Variants in DDHD1 observed in about 807,000 individuals in gnomAD.
DDHD1 encodes the protein phospholipase DDHD1.
DDHD1 carries 49 observed loss-of-function variants against 96.4 expected under a neutral mutation model. That is an observed-to-expected ratio of 0.51 (90% CI 0.40 to 0.64). The LOEUF is 0.64. DDHD1 is among the 30% of genes least tolerant of loss of function. The pLI is 0.00. For missense variants in DDHD1, 1,106 were observed against 1,161.2 expected (o/e 0.95, Z 0.69); for synonymous variants, 442 against 446.5 (o/e 0.99, Z 0.13).
intron 6 of DDHD1, among the ~76,000 whole-genome samples, chr14:53,069,740 T>A (rs1294195725): frequency 6.6e-6 from 1 of 152,214 alleles, no homozygotes; most frequent in African/African-American, 2.4e-5. Context: ...AATGGTACCC[T>A]CAAATTCCAG....
intron 2 of DDHD1, among the ~76,000 whole-genome samples, chr14:53,102,558 T>C (rs867467919): frequency 1.3e-5 from 2 of 152,090 alleles, no homozygotes; most frequent in Non-Finnish European, 2.9e-5. Context: ...CTCAGTTATA[T>C]AGACTTTTAA....
chr14:53,053,214 T>G (rs1319980800), intron 11 of DDHD1: 10 of 152,098 alleles, frequency 6.6e-5, no homozygotes, highest in Non-Finnish European at 5.9e-5. Flanking sequence ...TAGAGTTTTC[T>G]TGACATCTGC....
intron 4 of DDHD1, among the ~76,000 whole-genome samples, chr14:53,076,677 T>C (rs1456681494): frequency 6.6e-6 from 1 of 152,186 alleles, no homozygotes; most frequent in East Asian, 1.9e-4. Context: ...AATCAATCGA[T>C]GTGGCTAACT....
At position 53,106,425 on chromosome 14, in the gene DDHD1, G is replaced by T. The variant is rs529051807; in HGVS notation, c.839-2569C>A. 2.0e-5 allele frequency among the ~76,000 whole-genome samples: 3 copies of T among 152,228 alleles called. No homozygotes were observed. In the East Asian group the frequency reaches 5.8e-4, roughly 29 times the overall value. On this transcript the variant is annotated intron_variant, in intron 1 of 12. Transcript: ENST00000673822. ...TGTAATCCCAGCATTCTGAGAGGCC[G>T]AGCCAGGTGGATCACTTGAGGCCAG...
chr14:53,063,864 C>T (rs376488414), intron 6 of DDHD1, among the ~76,000 whole-genome samples: 6 of 152,006 alleles, frequency 3.9e-5, no homozygotes, highest in South Asian at 2.1e-4. Context: ...GGAGTATTTT[C>T]GTAATTTTTC....
chr14:53,092,815 C>T (rs1189619591), intron 3 of DDHD1: 1 of 152,996 alleles, frequency 6.5e-6, no homozygotes, highest in Non-Finnish European at 1.5e-5. Flanking sequence ...CACCACTGTA[C>T]TCCAGCCTGG....
At chr14:53,072,261 A>G (rs553442131) in intron 6 of DDHD1, among the ~76,000 whole-genome samples, 2 of 152,218 alleles carry the variant, frequency 1.3e-5, no homozygotes, top group South Asian at 2.1e-4. Context: ...TGAAGCAATA[A>G]AAGTCCATCA....
intron 1 of DDHD1, among the ~76,000 whole-genome samples, chr14:53,134,492 C>T (rs1331148294): frequency 6.6e-6 from 1 of 151,822 alleles, no homozygotes; most frequent in Admixed American, 6.6e-5. Context: ...CTATCAATCT[C>T]ACTCACTCTC....
At chr14:53,143,743 G>T (rs2139894165) in intron 1 of DDHD1, among the ~76,000 whole-genome samples, 1 of 152,278 alleles carries the variant, frequency 6.6e-6, no homozygotes, top group African/African-American at 2.4e-5. Context: ...GCATGCGAGG[G>T]CAAATATTTA....
chr14:53,148,551 G>T (rs1403926843), intron 1 of DDHD1, among the ~76,000 whole-genome samples: 1 of 151,998 alleles, frequency 6.6e-6, no homozygotes, highest in Non-Finnish European at 1.5e-5. Flanking sequence ...GATCTCAGGT[G>T]ATCCACCCAC....
chr14:53,122,605 T>G (rs1348620479), intron 1 of DDHD1, among the ~76,000 whole-genome samples: 2 of 144,126 alleles, frequency 1.4e-5, no homozygotes, highest in Non-Finnish European at 3.0e-5. Context: ...TTTGACACAG[T>G]CTCACACTAT....
rs775601687 is a variant in DDHD1 at position 53,152,853 on chromosome 14, G to A, written c.246C>T (p.Pro82=). 5 of 1,612,064 alleles carry A rather than the reference G, an allele frequency of 3.1e-6. No homozygotes were observed. In the South Asian group the frequency reaches 4.4e-5, roughly 14 times the overall value. Residue 82 remains proline (P), a synonymous_variant, in exon 1 of 13, where the codon CCC becomes CCT. Coordinates refer to ENST00000673822, the MANE Select transcript of DDHD1 (RefSeq NM_001160148.2). Reference sequence around the variant, plus strand: ...AGTCATAGTTCTCGTCACTGAGGCAGGGGTCCAGCGCGAGGTGGTGGTTGT... The same window carrying A: ...AGTCATAGTTCTCGTCACTGAGGCAAGGGTCCAGCGCGAGGTGGTGGTTGT... ...DDHNHHLALD[P]CLSDENYDFS... is the part of the protein sequence containing the mutation.
chr14:53,068,762 T>C (rs1884262225), intron 6 of DDHD1, among the ~76,000 whole-genome samples: 1 of 152,210 alleles, frequency 6.6e-6, no homozygotes, highest in South Asian at 2.1e-4. Flanking sequence ...ATGATTATTG[T>C]CGCTCTTTCT....
intron 1 of DDHD1, among the ~76,000 whole-genome samples, chr14:53,148,316 CTT>C (rs1311738888): frequency 5.5e-5 from 8 of 145,692 alleles, no homozygotes; most frequent in East Asian, 2.0e-4. Flanking sequence ...TTGAATTATT[CTT>C]TTTTTTTTTT....
At chr14:53,124,754 A>G (rs1333104736) in intron 1 of DDHD1, among the ~76,000 whole-genome samples, 2 of 152,222 alleles carry the variant, frequency 1.3e-5, no homozygotes, top group African/African-American at 4.8e-5. Context: ...TGTAAAATTA[A>G]TGAAAAGATT....
intron 1 of DDHD1, among the ~76,000 whole-genome samples, chr14:53,118,634 C>T (rs1164436706): frequency 1.3e-5 from 2 of 152,080 alleles, no homozygotes; most frequent in African/African-American, 4.8e-5. Flanking sequence ...AAGAAACAAA[C>T]AAAGCCTCCA....
Position 53,153,071 on chromosome 14 carries a change from G to T in DDHD1, c.28C>A (p.Arg10=). 1 of 1,456,878 alleles carries T rather than the reference G, an allele frequency of 6.9e-7. No individual in the cohort carries two copies. Among genetic ancestry groups the T allele is most frequent in the Non-Finnish European group, 9.0e-7 (1 of 1,115,298 alleles). The allele number at this position is 1,456,878 out of a possible 1,614,324, so 90.2% of individuals were successfully genotyped here. A position where few individuals can be genotyped will look rare whatever the true frequency, so the allele number is the denominator to read the frequency against. The stretch of plus-strand genomic sequence containing the variant: ...CCTCGGCCGTTATGCTCGGGGCTCC[G>T]TGGGGACCCGCGGCCCGGGTAATTC... The part of the protein sequence containing the change: MNYPGRGSP[R]SPEHNGRGGG... The change falls in exon 1 of 13, where the codon CGG becomes AGG. Residue 10 remains arginine (R), a synonymous_variant. Coordinates refer to ENST00000673822, the MANE Select transcript of DDHD1 (RefSeq NM_001160148.2).
At chr14:53,060,533 C>T (rs1254401310) in intron 8 of DDHD1, among the ~76,000 whole-genome samples, 1 of 152,196 alleles carries the variant, frequency 6.6e-6, no homozygotes, top group Non-Finnish European at 1.5e-5. Flanking sequence ...ATTGTTCATC[C>T]ATTGAAATGT....
intron 4 of DDHD1, among the ~76,000 whole-genome samples, chr14:53,090,641 G>T (rs748502323): frequency 6.6e-6 from 1 of 152,096 alleles, no homozygotes; most frequent in African/African-American, 2.4e-5. Flanking sequence ...ACCAAACACC[G>T]TATGTTCTCA....
Sources: gnomAD v4.1 joint callset for allele counts (sites outside exome capture counted in the v4.1 genomes callset) on GRCh38, gnomAD v4.1.1 for gene constraint, MANE v1.5 for transcripts, NCBI Gene and HGNC (gene_info 2026-07-23, HGNC 2026-07-21) for gene names.